SLC30A8: variants seen among roughly 807,000 people sequenced by gnomAD.
The protein encoded by SLC30A8 is solute carrier family 30 member 8.
A neutral mutation model predicts 36.9 loss-of-function variants in SLC30A8; 27 were observed. That is an observed-to-expected ratio of 0.73 (90% CI 0.54 to 1.01). The LOEUF is 1.01. Ranked by LOEUF, SLC30A8 falls within the 50% of genes least tolerant of loss-of-function variation. SLC30A8 has a pLI of 0.00. For missense variants in SLC30A8, 439 were observed against 452.0 expected (o/e 0.97, Z 0.26); for synonymous variants, 164 against 172.4 (o/e 0.95, Z 0.38).
intron 1 of SLC30A8, among the ~76,000 whole-genome samples, chr8:117,143,742 G>A (rs969508264): frequency 1.3e-5 from 2 of 150,574 alleles, no homozygotes; most frequent in South Asian, 2.1e-4. Context: ...ACCTTATGAA[G>A]CCCACTTTTG....
intron 2 of SLC30A8, among the ~76,000 whole-genome samples, chr8:117,127,139 A>G (rs1181586159): frequency 1.3e-5 from 2 of 152,052 alleles, no homozygotes; most frequent in African/African-American, 4.8e-5. Flanking sequence ...ACAGGTATAT[A>G]AATGTATTCA....
intron 6 of SLC30A8, among the ~76,000 whole-genome samples, chr8:117,167,864 C>T (rs1365187758): frequency 6.6e-6 from 1 of 152,126 alleles, no homozygotes; most frequent in Non-Finnish European, 1.5e-5. Context: ...CTCATAAAGA[C>T]ATACCTGAGA....
intron 1 of SLC30A8, among the ~76,000 whole-genome samples, chr8:116,980,968 C>G (rs938480478): frequency 6.6e-6 from 1 of 152,148 alleles, no homozygotes; most frequent in Non-Finnish European, 1.5e-5. Flanking sequence ...ACAAGTCACC[C>G]TAAACTTAGT....
chr8:117,042,174 A>G (rs553663628), intron 2 of SLC30A8, among the ~76,000 whole-genome samples: 6 of 152,350 alleles, frequency 3.9e-5, no homozygotes, highest in African/African-American at 7.2e-5. Context: ...ATGACATTCA[A>G]AGACATTATG....
At chr8:117,032,143 C>A (rs1277361580) in intron 1 of SLC30A8, among the ~76,000 whole-genome samples, 1 of 151,670 alleles carries the variant, frequency 6.6e-6, no homozygotes. Context: ...CTGAAAATCT[C>A]TTTTCCTGCC....
chr8:116,984,261 T>C (rs942463685), intron 1 of SLC30A8, among the ~76,000 whole-genome samples: 1 of 152,186 alleles, frequency 6.6e-6, no homozygotes. Flanking sequence ...TAATAAAGCT[T>C]CTATGAATAC....
intron 2 of SLC30A8, among the ~76,000 whole-genome samples, chr8:117,087,314 T>C (rs1440793915): frequency 6.6e-6 from 1 of 152,020 alleles, no homozygotes; most frequent in Admixed American, 6.6e-5. Context: ...AAGCAGATGA[T>C]AGTTAGGTAT....
At chr8:117,098,419 G>A (rs911194336) in intron 2 of SLC30A8, among the ~76,000 whole-genome samples, 9 of 152,108 alleles carry the variant, frequency 5.9e-5, no homozygotes, top group East Asian at 1.9e-4. Context: ...AGTATCACTC[G>A]TCTGTCCTAC....
At chr8:117,085,389 A>G (rs998403484) in intron 2 of SLC30A8, among the ~76,000 whole-genome samples, 1 of 152,174 alleles carries the variant, frequency 6.6e-6, no homozygotes, top group African/African-American at 2.4e-5. Context: ...ATGAATAAAA[A>G]TTGTAGAAAT....
chr8:117,003,770 C>T (rs949741318), intron 1 of SLC30A8, among the ~76,000 whole-genome samples: 7 of 152,108 alleles, frequency 4.6e-5, no homozygotes, highest in African/African-American at 1.4e-4. Context: ...AAATAGGTTT[C>T]CCTACTAATT....
At chr8:117,001,405 C>T (rs1816007706) in intron 1 of SLC30A8, among the ~76,000 whole-genome samples, 1 of 152,058 alleles carries the variant, frequency 6.6e-6, no homozygotes, top group Non-Finnish European at 1.5e-5. Flanking sequence ...TCAAGTAGCA[C>T]CTGCAGCCTG....
At chr8:116,996,641 AT>A (rs1815828976) in intron 1 of SLC30A8, among the ~76,000 whole-genome samples, 1 of 152,070 alleles carries the variant, frequency 6.6e-6, no homozygotes, top group African/African-American at 2.4e-5. Context: ...CCTTATTCTT[AT>A]CCCGTGTAGG....
rs778259024 is a variant in SLC30A8 at position 117,135,358 on chromosome 8, A to C, written c.31A>C (p.Asn11His). MEFLERTYLV[N>H]DKAAKMYAFT... ...GTTTCTTGAAAGAACGTATCTTGTG[A>C]ATGATAAAGCTGCCAAGATGTATGC... The change falls in exon 1 of 8, where the codon AAT (asparagine) becomes CAT (histidine). Residue 11 changes from asparagine to histidine, a missense_variant. Coordinates refer to ENST00000456015, the MANE Select transcript of SLC30A8 (RefSeq NM_173851.3). 15 of 1,600,890 alleles carry C rather than the reference A, an allele frequency of 9.4e-6. No homozygotes were observed. In the Admixed American group the frequency reaches 1.0e-4, roughly 11 times the overall value.
Position 116,951,791 on chromosome 8 carries a change from C to G in SLC30A8, c.-266+672C>G, listed in dbSNP as rs774353241. 2.1e-4 allele frequency among the ~76,000 whole-genome samples: 32 copies of G among 152,026 alleles called. 1 individual carries two copies. Among genetic ancestry groups the G allele is most frequent in the Admixed American group, 2.1e-3 (32 of 15,240 alleles). ...TGTCTACGGGGTGCCAGCCACTGTT[C>G]TAGGTATGTGTTGAGCATCAGTTTT... is the stretch of plus-strand genomic sequence containing the variant. On this transcript the variant is annotated intron_variant, in intron 1 of 10. Coordinates refer to the SLC30A8 transcript ENST00000427715.
At chr8:116,977,591 A>T (rs1815095191) in intron 1 of SLC30A8, among the ~76,000 whole-genome samples, 1 of 148,750 alleles carries the variant, frequency 6.7e-6, no homozygotes, top group African/African-American at 2.5e-5. Context: ...TGCTCACTGC[A>T]ACCTCCGCCT....
chr8:116,960,554 C>T (rs1041541683), intron 1 of SLC30A8, among the ~76,000 whole-genome samples: 1 of 152,206 alleles, frequency 6.6e-6, no homozygotes, highest in Non-Finnish European at 1.5e-5. Context: ...GATCTCATCA[C>T]CCCAGTCCAT....
intron 2 of SLC30A8, among the ~76,000 whole-genome samples, chr8:117,048,125 T>G (rs1817607704): frequency 6.6e-6 from 1 of 152,228 alleles, no homozygotes; most frequent in Non-Finnish European, 1.5e-5. Flanking sequence ...TTCACTTTAC[T>G]CTACAGACTT....
intron 2 of SLC30A8, among the ~76,000 whole-genome samples, chr8:117,110,260 T>TAA (rs113977042): frequency 0.013 from 1,918 of 145,450 alleles, 39 homozygotes; most frequent in African/African-American, 0.045. Flanking sequence ...CAACATTACT[T>TAA]AAAAAAAAAA....
chr8:116,985,327 CACACACAAGT>C (rs201992985), intron 1 of SLC30A8, among the ~76,000 whole-genome samples: 2,945 of 144,908 alleles, frequency 0.02, 41 homozygotes, highest in South Asian at 0.059. Flanking sequence ...CACACACACA[CACACACAAGT>C]ATGTATATCT....
Sources: allele counts gnomAD v4.1 joint callset (sites outside exome capture counted in the v4.1 genomes callset), GRCh38; gene constraint gnomAD v4.1.1; transcripts MANE v1.5; gene names NCBI Gene and HGNC (gene_info 2026-07-23, HGNC 2026-07-21).